FAM53B: variants seen among roughly 807,000 people sequenced by gnomAD.
FAM53B encodes the protein family with sequence similarity 53 member B, also known as protein FAM53B.
A neutral mutation model predicts 32.7 loss-of-function variants in FAM53B; 12 were observed. The observed-to-expected ratio is 0.37, with a 90% CI of 0.24 to 0.59. The LOEUF (loss-of-function observed/expected upper bound fraction) is 0.59. Among genes scored for constraint, FAM53B ranks in the 20% least tolerant of loss-of-function variants. The pLI is 0.72. For missense variants in FAM53B, 477 were observed against 577.7 expected, an observed-to-expected ratio of 0.83 and a Z score of 1.79; for synonymous variants, 234 against 228.7, an observed-to-expected ratio of 1.02 and a Z score of -0.21.
At chr10:124,727,491 T>C (rs1440990656) in intron 1 of FAM53B, among the ~76,000 whole-genome samples, 1 of 152,102 alleles carries the variant, frequency 6.6e-6, no homozygotes, top group African/African-American at 2.4e-5. Flanking sequence ...GAGTACTGGC[T>C]TATCTTTGCA....
chr10:124,697,510 C>T (rs1363750383), intron 2 of FAM53B, among the ~76,000 whole-genome samples: 2 of 152,168 alleles, frequency 1.3e-5, no homozygotes, highest in Admixed American at 6.5e-5. Flanking sequence ...GGGACCTCTG[C>T]ACAAGGTCAA....
intron 4 of FAM53B, among the ~76,000 whole-genome samples, chr10:124,627,565 CCT>C (rs1564860983): frequency 1.2e-5 from 1 of 80,724 alleles, no homozygotes; most frequent in Non-Finnish European, 3.1e-5. Flanking sequence ...CTGGAACAGG[CCT>C]GCCCAGGTAA....
intron 1 of FAM53B, among the ~76,000 whole-genome samples, chr10:124,737,604 C>G (rs1391172440): frequency 6.6e-6 from 1 of 152,198 alleles, no homozygotes; most frequent in African/African-American, 2.4e-5. Context: ...CACCTCACCT[C>G]TTAAGGATCG....
At chr10:124,634,734 G>A (rs1222488768) in intron 4 of FAM53B, among the ~76,000 whole-genome samples, 3 of 152,232 alleles carry the variant, frequency 2.0e-5, no homozygotes, top group Admixed American at 2.0e-4. Flanking sequence ...CATGGAGACA[G>A]AACACAGTTT....
chr10:124,712,157 C>T (rs1950008656), intron 1 of FAM53B, among the ~76,000 whole-genome samples: 1 of 152,082 alleles, frequency 6.6e-6, no homozygotes, highest in Non-Finnish European at 1.5e-5. Context: ...GAGTTCAAGA[C>T]CAGCCTGGCC....
At chr10:124,665,568 T>C (rs1949664765) in intron 4 of FAM53B, among the ~76,000 whole-genome samples, 2 of 152,366 alleles carry the variant, frequency 1.3e-5, no homozygotes, top group African/African-American at 4.8e-5. Flanking sequence ...TATGCATACA[T>C]GGAGGTCCTG....
chr10:124,684,886 T>C (rs1199491542), intron 3 of FAM53B, among the ~76,000 whole-genome samples: 1 of 152,182 alleles, frequency 6.6e-6, no homozygotes. Context: ...TTATCTGATT[T>C]AAAAGAAAAC....
chr10:124,630,809 A>G (rs562397967), intron 4 of FAM53B, among the ~76,000 whole-genome samples: 2 of 152,240 alleles, frequency 1.3e-5, no homozygotes, highest in Non-Finnish European at 2.9e-5. Context: ...TCATTTCTGC[A>G]GAGGCCAACA....
At chr10:124,730,580 G>C (rs1441441735) in intron 1 of FAM53B, among the ~76,000 whole-genome samples, 8 of 152,130 alleles carry the variant, frequency 5.3e-5, no homozygotes, top group African/African-American at 1.7e-4. Flanking sequence ...TCCCAGATTT[G>C]GATTCTCCCC....
chr10:124,626,395 C>G lies in FAM53B; in HGVS notation c.907-2791G>C, dbSNP rs558386449. 2.9e-4 allele frequency among the ~76,000 whole-genome samples: 43 copies of G among 146,452 alleles called. 3 individuals are homozygous for G. In the East Asian group the frequency reaches 7.1e-3, roughly 24 times the overall value. ...GCTACGGTCGAAATTTGTGCCCCCC[C>G]CCCCCCCACCATTCCTCAGTGCAAA... On this transcript the variant is annotated intron_variant, in intron 4 of 4. Coordinates refer to ENST00000337318, the MANE Select transcript of FAM53B (RefSeq NM_014661.4).
chr10:124,742,588 A>C (rs1178271060), intron 1 of FAM53B: 2 of 152,270 alleles, frequency 1.3e-5, no homozygotes, highest in Non-Finnish European at 2.9e-5. Context: ...ATATGTTGTA[A>C]GCAGCACAAG....
At chr10:124,643,663 AG>A (rs1949491169) in intron 4 of FAM53B, among the ~76,000 whole-genome samples, 2 of 152,218 alleles carry the variant, frequency 1.3e-5, no homozygotes, top group Admixed American at 1.3e-4. Context: ...CGGATTCCAA[AG>A]GCGAAGAGGC....
chr10:124,667,997 A>G (rs1441946691), intron 4 of FAM53B, among the ~76,000 whole-genome samples: 1 of 152,144 alleles, frequency 6.6e-6, no homozygotes, highest in East Asian at 1.9e-4. Context: ...GCCCCACACC[A>G]GGCCCACCTA....
chr10:124,722,989 C>T (rs1312368069), intron 1 of FAM53B, among the ~76,000 whole-genome samples: 1 of 152,244 alleles, frequency 6.6e-6, no homozygotes, highest in Non-Finnish European at 1.5e-5. Context: ...TCCCCTGCTC[C>T]CTGCTGCCCT....
intron 1 of FAM53B, among the ~76,000 whole-genome samples, chr10:124,720,181 A>T (rs1398981266): frequency 6.6e-6 from 1 of 151,172 alleles, no homozygotes; most frequent in African/African-American, 2.4e-5. Flanking sequence ...AAAAAAAAAC[A>T]AACAAACCAC....
chr10:124,648,261 G>A (rs917346041), intron 4 of FAM53B, among the ~76,000 whole-genome samples: 3 of 152,216 alleles, frequency 2.0e-5, no homozygotes, highest in Non-Finnish European at 2.9e-5. Context: ...GCCTGGGCAC[G>A]GCAGAGGGCC....
intron 3 of FAM53B, among the ~76,000 whole-genome samples, chr10:124,690,656 T>C (rs1055605143): frequency 4.6e-5 from 7 of 152,238 alleles, no homozygotes; most frequent in African/African-American, 1.7e-4. Context: ...TTATTATTCC[T>C]GAAAAACTGC....
intron 4 of FAM53B, among the ~76,000 whole-genome samples, chr10:124,625,407 G>A (rs570812248): frequency 6.6e-6 from 1 of 152,326 alleles, no homozygotes; most frequent in East Asian, 1.9e-4. Flanking sequence ...GCCCCCCAAG[G>A]AGCCACAGGT....
chr10:124,668,644 C>T (rs1423810946), intron 4 of FAM53B, among the ~76,000 whole-genome samples: 1 of 152,244 alleles, frequency 6.6e-6, no homozygotes, highest in Admixed American at 6.5e-5. Context: ...GGGTGCTCTC[C>T]TTGTCTCATC....
Sources: allele counts gnomAD v4.1 joint callset (sites outside exome capture counted in the v4.1 genomes callset), GRCh38; gene constraint gnomAD v4.1.1; transcripts MANE v1.5; gene names NCBI Gene and HGNC (gene_info 2026-07-23, HGNC 2026-07-21).